Variants in CCN3 observed in about 807,000 individuals in gnomAD.
CCN3 encodes the protein cellular communication network factor 3.
CCN3 carries 20 observed loss-of-function variants against 33.4 expected under a neutral mutation model. The ratio of observed to expected loss-of-function variants is 0.60; its 90% CI spans 0.42 to 0.87. The LOEUF (loss-of-function observed/expected upper bound fraction) is 0.87. CCN3 is among the 40% of genes least tolerant of loss of function. CCN3 has a pLI of 0.00. For synonymous variants in CCN3, 205 were observed against 170.4 expected, an observed-to-expected ratio of 1.20 and a Z score of -1.58; for missense variants, 465 against 455.3, an observed-to-expected ratio of 1.02 and a Z score of -0.19.
rs1461563208 is a variant in CCN3 at position 119,423,223 on chromosome 8, G to A, written c.*91G>A. 3 of 1,242,156 alleles carry A rather than the reference G, an allele frequency of 2.4e-6. No individual in the cohort carries two copies. Among genetic ancestry groups the A allele is most frequent in the Non-Finnish European group, 3.4e-6 (3 of 882,414 alleles). The allele number at this position is 1,242,156 out of a possible 1,614,324, so 76.9% of individuals were successfully genotyped here. ...TATAAGAAAAGTAATGAAGAATCAC[G>A]ATTTCATCCTTGAATCCTATGTATT... is the stretch of plus-strand genomic sequence containing the variant. On this transcript the variant is annotated 3_prime_UTR_variant, in exon 5 of 5. Transcript: ENST00000259526.
Position 119,416,983 on chromosome 8 carries a change from C to G in CCN3, c.310+14C>G. On this transcript the variant is annotated intron_variant, in intron 2 of 4. Coordinates refer to ENST00000259526, the MANE Select transcript of CCN3 (RefSeq NM_002514.4). ...GCATCTGCACGGGTAATCCTGCTCCCTCTGCTGTTTGACCTCTTCTCCTGC... is the reference window on the plus strand; with the variant it reads ...GCATCTGCACGGGTAATCCTGCTCCGTCTGCTGTTTGACCTCTTCTCCTGC... 6.3e-7 allele frequency: 1 copy of G among 1,594,342 alleles called. No individual in the cohort carries two copies. Among genetic ancestry groups the G allele is most frequent in the Non-Finnish European group, 8.6e-7 (1 of 1,166,670 alleles).
At chr8:119,417,847 C>T (rs1820073075) in intron 2 of CCN3, among the ~76,000 whole-genome samples, 1 of 152,210 alleles carries the variant, frequency 6.6e-6, no homozygotes, top group Non-Finnish European at 1.5e-5. Context: ...AGTGGCAAGA[C>T]TAGATGATCT....
intron 1 of CCN3, 41 bp downstream of exon 1, chr8:119,416,657 C>G: frequency 6.2e-7 from 1 of 1,601,184 alleles, no homozygotes; most frequent in Non-Finnish European, 8.5e-7. Flanking sequence ...GTTACTTTGC[C>G]CGCCTTGGTG....
At chr8:119,421,174 A>AT (rs1437580733) in intron 4 of CCN3, among the ~76,000 whole-genome samples, 2 of 151,424 alleles carry the variant, frequency 1.3e-5, no homozygotes, top group South Asian at 2.1e-4. Flanking sequence ...GCCCTCCACC[A>AT]TTTTTTTGTA....
At chr8:119,417,805 A>T (rs1006544371) in intron 2 of CCN3, among the ~76,000 whole-genome samples, 1 of 152,204 alleles carries the variant, frequency 6.6e-6, no homozygotes, top group Non-Finnish European at 1.5e-5. Context: ...ATCACTTCAC[A>T]GTTGCACACC....
At chr8:119,417,048 C>A in intron 2 of CCN3, 79 bp downstream of exon 2, 1 of 1,184,344 alleles carries the variant, frequency 8.4e-7, no homozygotes, top group Non-Finnish European at 1.2e-6. Flanking sequence ...TTTTGTATTC[C>A]CCTTCCCAGA....
chr8:119,417,243 C>A (rs1820063641), intron 2 of CCN3: 2 of 429,498 alleles, frequency 4.7e-6, no homozygotes, highest in East Asian at 8.4e-5. Flanking sequence ...AAGGGGGAGC[C>A]ACGCAGAGTT....
intron 4 of CCN3, among the ~76,000 whole-genome samples, chr8:119,421,011 CTTTT>C (rs770175066): frequency 4.0e-5 from 3 of 75,014 alleles, no homozygotes; most frequent in African/African-American, 1.1e-4. Context: ...GACAGTGGTT[CTTTT>C]TTTTTTTTTT....
chr8:119,417,063 G>T (rs1820061446), intron 2 of CCN3, 94 bp downstream of exon 2: 3 of 1,003,554 alleles, frequency 3.0e-6, no homozygotes, highest in Non-Finnish European at 4.4e-6. Context: ...CCCAGAGGGC[G>T]ATAAGCAAAT....
rs11775043 is a variant in CCN3, at chr8:119,423,493, A to G, written c.*361A>G. 0.18 allele frequency: 33,151 copies of G among 182,428 alleles called. 3,292 individuals are homozygous for G. Among genetic ancestry groups the G allele is most frequent in the Non-Finnish European group, 0.21 (18,220 of 85,474 alleles). The allele number at this position is 182,428 out of a possible 1,614,324, so 11.3% of individuals were successfully genotyped here. A position where few individuals can be genotyped will look rare whatever the true frequency, so the allele number is the denominator to read the frequency against. On this transcript the variant is annotated 3_prime_UTR_variant, in exon 5 of 5. Coordinates refer to ENST00000259526, the MANE Select transcript of CCN3 (RefSeq NM_002514.4). ...TGCACTAGTGCAATTCCAAGAAAAT[A>G]TCACTGTAATGAGTCAGTGAAGTCT...
At chr8:119,422,334 C>T (rs530529672) in intron 4 of CCN3, among the ~76,000 whole-genome samples, 525 of 152,254 alleles carry the variant, frequency 3.4e-3, no homozygotes, top group Non-Finnish European at 6.2e-3. Context: ...TCCTCTGACA[C>T]GTGGTGATTA....
intron 2 of CCN3, 73 bp downstream of exon 2, chr8:119,417,042 G>A (rs7834596): frequency 6.3e-6 from 8 of 1,277,374 alleles, no homozygotes; most frequent in Non-Finnish European, 8.8e-6. Flanking sequence ...CTTCTCTTTT[G>A]TATTCCCCTT....
intron 4 of CCN3, among the ~76,000 whole-genome samples, chr8:119,421,011 CTTTTTTTTTTT>C (rs770175066): frequency 5.3e-5 from 4 of 75,014 alleles, no homozygotes; most frequent in South Asian, 1.1e-3. Flanking sequence ...GACAGTGGTT[CTTTTTTTTTTT>C]TTTTTTTTTT....
At chr8:119,421,011 CTTTTTTTTTTTTTTT>C (rs770175066) in intron 4 of CCN3, among the ~76,000 whole-genome samples, 3 of 75,014 alleles carry the variant, frequency 4.0e-5, no homozygotes, top group African/African-American at 1.7e-4. Context: ...GACAGTGGTT[CTTTTTTTTTTTTTTT>C]TTTTTTTTTT....
intron 3 of CCN3, 107 bp downstream of exon 3, chr8:119,418,416 GT>G: frequency 7.1e-7 from 1 of 1,417,252 alleles, no homozygotes; most frequent in Non-Finnish European, 9.6e-7. Flanking sequence ...TCAGTTTCTG[GT>G]CATTCAGTTG....
chr8:119,419,031 G>C, intron 3 of CCN3, 100 bp from the exon 4 acceptor site: 1 of 815,172 alleles, frequency 1.2e-6, no homozygotes, highest in Non-Finnish European at 2.1e-6. Context: ...AGTAGGTACA[G>C]AGTCGAATGA....
At position 119,418,057 on chromosome 8, in the gene CCN3, G is replaced by A; in HGVS notation, c.311-1G>A. On this transcript the variant is annotated splice_acceptor_variant, in intron 2 of 4. Transcript: ENST00000259526. LOFTEE classifies it high-confidence loss of function. The stretch of plus-strand genomic sequence containing the variant: ...TTCACTTTGCTTCCCCAATATTCTA[G>A]CGGTAGAGGGAGATAACTGTGTGTT... 1 of 1,607,392 alleles carries A rather than the reference G, an allele frequency of 6.2e-7. No homozygotes were observed.
rs184088148 is a variant in CCN3 at position 119,423,178 on chromosome 8, G to A, written c.*46G>A. 2.0e-4 allele frequency: 299 copies of A among 1,511,848 alleles called. 2 individuals are homozygous for A. The Admixed American group carries it at 4.1e-3, about 21-fold the overall frequency. The allele number at this position is 1,511,848 out of a possible 1,614,324, so 93.7% of individuals were successfully genotyped here. ...CCTACAGAGCACCTGTAGCTGCTGC[G>A]CCACCCACCATCAAAGGAATATAAG... On this transcript the variant is annotated 3_prime_UTR_variant, in exon 5 of 5. Transcript: ENST00000259526.
At position 119,418,210 on chromosome 8, in the gene CCN3, T is replaced by C. The variant is rs777562870; in HGVS notation, c.463T>C (p.Cys155Arg). The C allele has an allele frequency of 6.2e-7, 1 of 1,614,238 alleles. No individual in the cohort carries two copies. Among genetic ancestry groups the C allele is most frequent in the South Asian group, 1.1e-5 (1 of 91,090 alleles). The change falls in exon 3 of 5, where the codon TGC (cysteine) becomes CGC (arginine). Residue 155 changes from cysteine to arginine, a missense_variant. Transcript: ENST00000259526. Reference protein sequence around the residue: ...QLDVLLPEPNCPAPRKVEVPG... With the variant: ...QLDVLLPEPNRPAPRKVEVPG... ...GGATGTGCTACTGCCTGAGCCTAAC[T>C]GCCCAGCTCCAAGAAAAGTTGAGGT... is the stretch of plus-strand genomic sequence containing the variant.
Sources: allele counts gnomAD v4.1 joint callset (sites outside exome capture counted in the v4.1 genomes callset), GRCh38; gene constraint gnomAD v4.1.1; transcripts MANE v1.5; gene names NCBI Gene and HGNC (gene_info 2026-07-23, HGNC 2026-07-21).